MRPS27: variants seen among roughly 807,000 people sequenced by gnomAD.
MRPS27 encodes mitochondrial ribosomal protein S27.
A neutral mutation model predicts 48.9 loss-of-function variants in MRPS27; 43 were observed. The observed-to-expected ratio is 0.88, with a 90% CI of 0.69 to 1.13. MRPS27 has a LOEUF of 1.13. Among genes scored for constraint, MRPS27 ranks in the 50% most tolerant of loss-of-function variants. The pLI, the probability that MRPS27 is intolerant of heterozygous loss-of-function variation, is 0.00. For missense variants in MRPS27, 467 were observed against 476.3 expected, an observed-to-expected ratio of 0.98 and a Z score of 0.18; for synonymous variants, 188 against 171.9, an observed-to-expected ratio of 1.09 and a Z score of -0.73.
intron 2 of MRPS27, 79 bp from the exon 3 acceptor site, chr5:72,297,781 T>G: frequency 1.3e-6 from 1 of 768,180 alleles, no homozygotes; most frequent in Non-Finnish European, 2.0e-6. Context: ...GCTGCCAACA[T>G]GAAGTATTAA....
At chr5:72,278,538 T>A (rs1054246492) in intron 4 of MRPS27, among the ~76,000 whole-genome samples, 1 of 152,070 alleles carries the variant, frequency 6.6e-6, no homozygotes, top group Non-Finnish European at 1.5e-5. Context: ...TGCTCCCTCA[T>A]GTATATTTCC....
In MRPS27 at chr5:72,307,407, T is replaced by G. The variant is rs190418319; in HGVS notation, c.151+6674A>C. Among the ~76,000 whole-genome samples the G allele has an allele frequency of 2.8e-3, 426 of 152,292 alleles. 1 individual carries two copies. In the Middle Eastern group the frequency reaches 0.051, roughly 18 times the overall value. ...GGGATATCTGAACACTAACTGGATA[T>G]TTCGTGATATTTACAACCCTATTAA... On this transcript the variant is annotated intron_variant, in intron 2 of 10. Coordinates refer to ENST00000261413, the MANE Select transcript of MRPS27 (RefSeq NM_015084.3).
chr5:72,253,559 T>A (rs557482691), intron 4 of MRPS27, among the ~76,000 whole-genome samples: 3 of 152,354 alleles, frequency 2.0e-5, no homozygotes, highest in African/African-American at 7.2e-5. Context: ...AAGAGATCTT[T>A]AACAACCCTT....
chr5:72,230,453 T>A (rs1748029421), intron 7 of MRPS27, among the ~76,000 whole-genome samples: 1 of 152,228 alleles, frequency 6.6e-6, no homozygotes, highest in African/African-American at 2.4e-5. Flanking sequence ...AGGTTACGAT[T>A]TAGTGCCTCC....
intron 1 of MRPS27, among the ~76,000 whole-genome samples, chr5:72,318,559 T>C (rs1484654159): frequency 3.3e-5 from 5 of 152,160 alleles, no homozygotes; most frequent in Admixed American, 3.3e-4. Context: ...CCTTGGGAAG[T>C]AGAGGCGGGT....
At chr5:72,313,579 G>C (rs976023011) in intron 2 of MRPS27, among the ~76,000 whole-genome samples, 12 of 152,118 alleles carry the variant, frequency 7.9e-5, no homozygotes, top group Non-Finnish European at 1.6e-4. Flanking sequence ...CAGGAGAAAA[G>C]AAAGTATAAT....
chr5:72,248,928 C>G (rs920444421), intron 4 of MRPS27, among the ~76,000 whole-genome samples: 2 of 152,142 alleles, frequency 1.3e-5, no homozygotes, highest in Non-Finnish European at 2.9e-5. Context: ...CCTCTGCCTC[C>G]CTAGTTTCTT....
At chr5:72,271,727 A>C (rs1406080749) in intron 4 of MRPS27, among the ~76,000 whole-genome samples, 1 of 152,226 alleles carries the variant, frequency 6.6e-6, no homozygotes, top group African/African-American at 2.4e-5. Flanking sequence ...TAGTAGTTAC[A>C]TGGGCAAAAT....
chr5:72,248,669 TAAAAAAA>T (rs36063387), intron 4 of MRPS27, among the ~76,000 whole-genome samples: 5 of 70,294 alleles, frequency 7.1e-5, no homozygotes, highest in African/African-American at 1.3e-4. Flanking sequence ...CATTTTCATT[TAAAAAAA>T]AAAAAAAAAA....
intron 1 of MRPS27, among the ~76,000 whole-genome samples, chr5:72,317,471 C>A (rs1222032495): frequency 1.3e-5 from 2 of 150,820 alleles, no homozygotes; most frequent in African/African-American, 4.9e-5. Flanking sequence ...AGGCGGAGGC[C>A]TTCCAGGTTC....
intron 4 of MRPS27, among the ~76,000 whole-genome samples, chr5:72,286,853 C>T (rs1307917380): frequency 3.2e-4 from 48 of 152,050 alleles, no homozygotes; most frequent in Admixed American, 3.0e-3. Flanking sequence ...AAAATAAAGC[C>T]GATCATAGAC....
chr5:72,278,683 C>A (rs1217722403), intron 4 of MRPS27, among the ~76,000 whole-genome samples: 1 of 152,048 alleles, frequency 6.6e-6, no homozygotes, highest in East Asian at 1.9e-4. Flanking sequence ...TATTGCTTTG[C>A]ATATTTTCAA....
rs573742590 is a variant in MRPS27, at chr5:72,253,838, A to C, written c.282-15710T>G. Reference sequence around the variant, plus strand: ...TTTTTTCCTGGAAAAGTCACTACTCAGGATTACACTGAGTAGTGAAAGATA... The same window carrying C: ...TTTTTTCCTGGAAAAGTCACTACTCCGGATTACACTGAGTAGTGAAAGATA... On this transcript the variant is annotated intron_variant, in intron 4 of 10. Coordinates refer to ENST00000261413, the MANE Select transcript of MRPS27 (RefSeq NM_015084.3). Among the ~76,000 whole-genome samples the C allele has an allele frequency of 5.4e-4, 82 of 152,364 alleles. 1 individual carries two copies. The highest frequency in any genetic ancestry group is 1.9e-3 in the African/African-American group (78 of 41,590).
rs184089459 is a variant in MRPS27, at chr5:72,286,381, G to A, written c.281+9150C>T. Among the ~76,000 whole-genome samples, 7 of 152,242 alleles carry A rather than the reference G, an allele frequency of 4.6e-5. No individual in the cohort carries two copies. In the East Asian group the frequency reaches 1.4e-3, roughly 29 times the overall value. On this transcript the variant is annotated intron_variant, in intron 4 of 10. Transcript: ENST00000261413. ...CAGTCATCAAGACAGAGTAGTATTG[G>A]CATTAAAATAGATAATAGAACAGAG...
intron 4 of MRPS27, among the ~76,000 whole-genome samples, chr5:72,263,718 C>G (rs528115104): frequency 1.6e-4 from 24 of 151,764 alleles, no homozygotes; most frequent in African/African-American, 5.8e-4. Context: ...TACTCCATAC[C>G]AATTAGGAGA....
At chr5:72,232,336 G>T in intron 7 of MRPS27, 107 bp downstream of exon 7, 1 of 676,398 alleles carries the variant, frequency 1.5e-6, no homozygotes, top group Non-Finnish European at 2.5e-6. Context: ...CACATTCCTG[G>T]TTGTGCCTGG....
At chr5:72,221,706 C>T (rs978862010) in intron 10 of MRPS27, among the ~76,000 whole-genome samples, 2 of 152,244 alleles carry the variant, frequency 1.3e-5, no homozygotes, top group African/African-American at 4.8e-5. Flanking sequence ...TTCTGGCATT[C>T]CTCTCAACAG....
intron 4 of MRPS27, among the ~76,000 whole-genome samples, chr5:72,284,215 C>T (rs1456949401): frequency 1.3e-5 from 2 of 150,282 alleles, no homozygotes; most frequent in Non-Finnish European, 3.0e-5. Flanking sequence ...GAGTTCAAGA[C>T]CAGCCTGGGC....
At chr5:72,273,236 C>T (rs1178508206) in intron 4 of MRPS27, among the ~76,000 whole-genome samples, 1 of 152,090 alleles carries the variant, frequency 6.6e-6, no homozygotes, top group African/African-American at 2.4e-5. Flanking sequence ...CAAAGTGGAC[C>T]ATCACTCAAG....
Sources: gnomAD v4.1 joint callset for allele counts (sites outside exome capture counted in the v4.1 genomes callset) on GRCh38, gnomAD v4.1.1 for gene constraint, MANE v1.5 for transcripts, NCBI Gene and HGNC (gene_info 2026-07-23, HGNC 2026-07-21) for gene names.